Variants in ABCC1 observed in about 807,000 individuals in gnomAD.
ABCC1 encodes multidrug resistance-associated protein 1.
Under a neutral mutation model 172.9 loss-of-function variants are expected in ABCC1, and 83 were observed. The observed-to-expected ratio is 0.48, with a 90% CI of 0.40 to 0.58. ABCC1 has a LOEUF of 0.58. Ranked by LOEUF, ABCC1 falls within the 20% of genes least tolerant of loss-of-function variation. The pLI, the probability that ABCC1 is intolerant of heterozygous loss-of-function variation, is 0.00. For missense variants in ABCC1, 1,817 were observed against 2,002.7 expected (o/e 0.91, Z 1.77); for synonymous variants, 937 against 825.2 (o/e 1.14, Z -2.32).
At chr16:15,995,195 G>A (rs892402955) in intron 1 of ABCC1, among the ~76,000 whole-genome samples, 1 of 151,948 alleles carries the variant, frequency 6.6e-6, no homozygotes, top group African/African-American at 2.4e-5. Flanking sequence ...ATATGACCAG[G>A]CCTGGTTCTG....
At chr16:16,121,705 T>C (rs527519673) in intron 23 of ABCC1, among the ~76,000 whole-genome samples, 1 of 152,316 alleles carries the variant, frequency 6.6e-6, no homozygotes, top group African/African-American at 2.4e-5. Flanking sequence ...GAGGATTGAA[T>C]GAACTGATGT....
chr16:16,040,536 C>G (rs754510844), intron 7 of ABCC1, among the ~76,000 whole-genome samples: 8 of 152,106 alleles, frequency 5.3e-5, no homozygotes, highest in Admixed American at 1.3e-4. Flanking sequence ...ATCTGCCTGC[C>G]TCGGCCTCCC....
At chr16:15,983,037 G>A (rs1243931261) in intron 1 of ABCC1, among the ~76,000 whole-genome samples, 1 of 152,032 alleles carries the variant, frequency 6.6e-6, no homozygotes, top group African/African-American at 2.4e-5. Context: ...ATAAAATAGT[G>A]CCTGAGAAAT....
intron 14 of ABCC1, among the ~76,000 whole-genome samples, 162 bp downstream of exon 14, chr16:16,071,891 G>A (rs1023465589): frequency 1.3e-5 from 2 of 152,222 alleles, no homozygotes; most frequent in Non-Finnish European, 2.9e-5. Context: ...AGAGCCTGCA[G>A]AAGGGAAGGG....
intron 1 of ABCC1, among the ~76,000 whole-genome samples, chr16:16,007,052 G>C (rs1008674202): frequency 6.6e-6 from 1 of 152,150 alleles, no homozygotes; most frequent in Admixed American, 6.5e-5. Context: ...ATGACACAGG[G>C]CTCTTCGGTT....
intron 7 of ABCC1, among the ~76,000 whole-genome samples, chr16:16,043,410 T>A (rs903322401): frequency 6.6e-6 from 1 of 151,856 alleles, no homozygotes; most frequent in African/African-American, 2.4e-5. Context: ...GCGATTCTCC[T>A]GCCTCAGCCT....
chr16:16,013,420 G>A (rs4781721), intron 3 of ABCC1, among the ~76,000 whole-genome samples: 72,636 of 151,650 alleles, frequency 0.48, 19,185 homozygotes, highest in Non-Finnish European at 0.61. Context: ...AAAGGCGTAT[G>A]CCACCACGCC....
chr16:16,064,137 G>GT (rs2050024163), intron 12 of ABCC1, among the ~76,000 whole-genome samples: 1 of 152,190 alleles, frequency 6.6e-6, no homozygotes, highest in Non-Finnish European at 1.5e-5. Context: ...TTTTTAGGGA[G>GT]TGGGCTGGAG....
rs756798823 is a variant in ABCC1, at chr16:16,136,693, A to G, written c.4292+49A>G. 1.3e-5 allele frequency: 20 copies of G among 1,592,936 alleles called. 2 individuals are homozygous for G. In the South Asian group the frequency reaches 1.7e-4, roughly 14 times the overall value. ...CACCGGGTAAGGTGTCCTAGGCGCC[A>G]TCTCGGTAGGGGTGTTTGAAGATTC... is the stretch of plus-strand genomic sequence containing the variant. On this transcript the variant is annotated intron_variant, in intron 29 of 30. Coordinates refer to ENST00000399410, the MANE Select transcript of ABCC1 (RefSeq NM_004996.4).
At chr16:16,053,527 C>T (rs1313636730) in intron 11 of ABCC1, among the ~76,000 whole-genome samples, 1 of 151,848 alleles carries the variant, frequency 6.6e-6, no homozygotes, top group Admixed American at 6.6e-5. Context: ...CGGGCTCACC[C>T]CTGTAATTTC....
intron 15 of ABCC1, among the ~76,000 whole-genome samples, chr16:16,076,990 C>T (rs1214957444): frequency 6.6e-6 from 1 of 152,116 alleles, no homozygotes; most frequent in Admixed American, 6.6e-5. Flanking sequence ...CTCCAGTGCC[C>T]CTCAGCTGCC....
chr16:16,006,007 A>T (rs762160249), intron 1 of ABCC1, among the ~76,000 whole-genome samples: 131 of 140,902 alleles, frequency 9.3e-4, no homozygotes, highest in Middle Eastern at 3.4e-3. Context: ...AAAAAAAAAT[A>T]AAAATAAAAA....
chr16:15,992,858 C>T lies in ABCC1; in HGVS notation c.49-14958C>T, dbSNP rs563033912. Among the ~76,000 whole-genome samples the T allele has an allele frequency of 3.4e-4, 51 of 152,192 alleles. 1 individual carries two copies. Among genetic ancestry groups the T allele is most frequent in the Non-Finnish European group, 3.2e-4 (22 of 68,044 alleles). The stretch of plus-strand genomic sequence containing the variant: ...CCTTTGGTGACTTCTCCCGCCCAAT[C>T]TTGGGTCCTAGCTCATTGGTGCAGC... On this transcript the variant is annotated intron_variant, in intron 1 of 30. Transcript: ENST00000399410.
intron 5 of ABCC1, among the ~76,000 whole-genome samples, chr16:16,020,032 C>T (rs2048140466): frequency 6.6e-6 from 1 of 152,198 alleles, no homozygotes. Context: ...AGCAATTCTC[C>T]TGCCTCAGCC....
chr16:16,066,983 G>T (rs1277870949), intron 12 of ABCC1, among the ~76,000 whole-genome samples: 2 of 152,098 alleles, frequency 1.3e-5, no homozygotes, highest in Non-Finnish European at 2.9e-5. Flanking sequence ...GGGTGCAGTG[G>T]CTCATGTCTG....
chr16:16,138,280 T>C (rs2045990845), intron 29 of ABCC1, 84 bp from the exon 30 acceptor site: 1 of 1,361,044 alleles, frequency 7.3e-7, no homozygotes, highest in Admixed American at 2.3e-5. Context: ...GTGTCTCCTT[T>C]CGCTTCTCCC....
intron 1 of ABCC1, among the ~76,000 whole-genome samples, chr16:16,005,815 G>A (rs2047508661): frequency 6.6e-6 from 1 of 151,992 alleles, no homozygotes; most frequent in African/African-American, 2.4e-5. Flanking sequence ...AAAAAAATTA[G>A]CCAAGCGGGG....
chr16:16,055,373 A>G (rs1346786690), intron 11 of ABCC1, among the ~76,000 whole-genome samples: 2 of 151,988 alleles, frequency 1.3e-5, no homozygotes, highest in Non-Finnish European at 2.9e-5. Context: ...AACATGGTGA[A>G]GCCCCGTCTC....
chr16:15,996,596 A>T (rs1460760488), intron 1 of ABCC1, among the ~76,000 whole-genome samples: 1 of 152,046 alleles, frequency 6.6e-6, no homozygotes, highest in Non-Finnish European at 1.5e-5. Flanking sequence ...CCTGTCCTGG[A>T]GTTGGCTGGC....
Sources: allele counts gnomAD v4.1 joint callset (sites outside exome capture counted in the v4.1 genomes callset), GRCh38; gene constraint gnomAD v4.1.1; transcripts MANE v1.5; gene names NCBI Gene and HGNC (gene_info 2026-07-23, HGNC 2026-07-21).